Variants in HCLS1 observed in about 807,000 individuals in gnomAD.
HCLS1 encodes hematopoietic lineage cell-specific protein.
HCLS1 carries 44 observed loss-of-function variants against 68.6 expected under a neutral mutation model. The observed-to-expected ratio is 0.64, with a 90% CI of 0.50 to 0.82. The LOEUF (loss-of-function observed/expected upper bound fraction) is 0.82, where lower values mean the gene tolerates loss of function less well. Among genes scored for constraint, HCLS1 ranks in the 40% least tolerant of loss-of-function variants. The pLI, the probability that HCLS1 is intolerant of heterozygous loss-of-function variation, is 0.00. For missense variants in HCLS1, 602 were observed against 612.1 expected (o/e 0.98, Z 0.17); for synonymous variants, 217 against 225.8 (o/e 0.96, Z 0.35).
chr3:121,640,256 G>GA (rs990635728), intron 6 of HCLS1, among the ~76,000 whole-genome samples: 5 of 151,514 alleles, frequency 3.3e-5, no homozygotes, highest in African/African-American at 9.7e-5. Context: ...AATAATAAAG[G>GA]AAAAAAAATG....
chr3:121,644,268 TG>T (rs2049225668), intron 5 of HCLS1: 1 of 219,528 alleles, frequency 4.6e-6, no homozygotes. Flanking sequence ...GATATGATGC[TG>T]TAATCATACG....
chr3:121,632,443 C>T lies in HCLS1; in HGVS notation c.1129G>A (p.Asp377Asn). 6.2e-7 allele frequency: 1 copy of T among 1,613,952 alleles called. No individual in the cohort carries two copies. The highest frequency in any genetic ancestry group is 8.5e-7 in the Non-Finnish European group (1 of 1,179,846). Residue 377 changes from aspartate (D) to asparagine (N), a missense_variant, in exon 12 of 14, where the codon GAC becomes AAC. Coordinates refer to ENST00000314583, the MANE Select transcript of HCLS1 (RefSeq NM_005335.6). ...TCCATCTCCTCAACGTCCTCATAGT[C>T]ATTCTCAGGCTCGGGCTCAGGCTCG... ...EPEPEPEPENDYEDVEEMDRH... is the reference protein window; with the variant it reads ...EPEPEPEPENNYEDVEEMDRH...
At chr3:121,634,514 C>T (rs183343342) in intron 9 of HCLS1, 96 bp from the exon 10 acceptor site, 23 of 1,147,636 alleles carry the variant, frequency 2.0e-5, no homozygotes, top group Middle Eastern at 2.0e-4. Context: ...GTTAAATATC[C>T]GGGAGGAGGG....
chr3:121,657,293 G>C lies in HCLS1; in HGVS notation c.144C>G (p.Arg48=), dbSNP rs1476442807. The part of the protein sequence containing the change: ...WGAKTIEGSG[R]TEHINIHQLR... ...TCGGCACCTACTTGATGTGTTCTGT[G>C]CGTCCAGACCCCTCGATGGTCTTGG... The change falls in exon 3 of 14, where the codon CGC becomes CGG. Residue 48 remains arginine (R), a synonymous_variant. Coordinates refer to ENST00000314583, the MANE Select transcript of HCLS1 (RefSeq NM_005335.6). 1.9e-6 allele frequency: 3 copies of C among 1,613,646 alleles called. No individual in the cohort carries two copies. The highest frequency in any genetic ancestry group is 2.5e-6 in the Non-Finnish European group (3 of 1,179,818).
At chr3:121,653,031 G>C (rs902768280) in intron 3 of HCLS1, among the ~76,000 whole-genome samples, 1 of 152,142 alleles carries the variant, frequency 6.6e-6, no homozygotes, top group African/African-American at 2.4e-5. Flanking sequence ...TTGGATTCAG[G>C]ATTTTTTCAG....
At chr3:121,660,480 C>T (rs1416383048) in intron 1 of HCLS1, among the ~76,000 whole-genome samples, 2 of 152,148 alleles carry the variant, frequency 1.3e-5, no homozygotes, top group African/African-American at 4.8e-5. Flanking sequence ...CAAGGGCAGA[C>T]ACTGTTTTCG....
chr3:121,656,768 G>T (rs1937882912), intron 3 of HCLS1: 1 of 152,376 alleles, frequency 6.6e-6, no homozygotes, highest in Non-Finnish European at 1.5e-5. Context: ...CCAGTTATGG[G>T]AGCTGAAGTG....
Position 121,631,715 on chromosome 3 carries a change from A to T in HCLS1, c.*131T>A. Reference sequence around the variant, plus strand: ...CATGCTGTCTCTGCCCCAAGCCCTTAATGAAGCAGGAGAGGGAAGTCTGTC... The same window carrying T: ...CATGCTGTCTCTGCCCCAAGCCCTTTATGAAGCAGGAGAGGGAAGTCTGTC... On this transcript the variant is annotated 3_prime_UTR_variant, in exon 14 of 14. Transcript: ENST00000314583. 2.1e-6 allele frequency: 2 copies of T among 936,880 alleles called. No individual in the cohort carries two copies. Among genetic ancestry groups the T allele is most frequent in the Non-Finnish European group, 3.2e-6 (2 of 621,818 alleles). 58.0% of individuals were successfully genotyped at this position (936,880 alleles called of 1,614,324 possible).
intron 9 of HCLS1, among the ~76,000 whole-genome samples, chr3:121,635,443 A>C (rs547586723): frequency 2.0e-5 from 3 of 151,870 alleles, no homozygotes; most frequent in African/African-American, 7.2e-5. Flanking sequence ...ATGCCTGGCT[A>C]ATTTTTGTAT....
At position 121,644,360 on chromosome 3, in the gene HCLS1, T is replaced by A. The variant is rs1020655308; in HGVS notation, c.399+458A>T. 3.1e-5 allele frequency: 9 copies of A among 289,700 alleles called. No homozygotes were observed. The East Asian group carries it at 7.0e-4, about 23-fold the overall frequency. 17.9% of individuals were successfully genotyped at this position (289,700 alleles called of 1,614,324 possible). The stretch of plus-strand genomic sequence containing the variant: ...TTAAAGATATCTGGACTTCATAGAT[T>A]GATGCTAAATTCTGTAAATAGTAAC... On this transcript the variant is annotated intron_variant, in intron 5 of 13. Transcript: ENST00000314583.
intron 6 of HCLS1, among the ~76,000 whole-genome samples, chr3:121,642,034 CCA>C (rs2049205432): frequency 7.1e-6 from 1 of 140,114 alleles, no homozygotes; most frequent in Non-Finnish European, 1.5e-5. Context: ...GAGCCGAGAT[CCA>C]GCCACTGCAC....
rs369513627 is a variant in HCLS1 at position 121,634,351 on chromosome 3, C to T, written c.759G>A (p.Glu253=). The T allele has an allele frequency of 2.5e-5, 40 of 1,614,024 alleles. No homozygotes were observed. Among genetic ancestry groups the T allele is most frequent in the Non-Finnish European group, 3.1e-5 (36 of 1,179,984 alleles). The change falls in exon 10 of 14, where the codon GAG becomes GAA. Residue 253 remains glutamate, a synonymous_variant. Transcript: ENST00000314583. ...ESMAEEKRKR[E]EEEKAQQVAR... is the part of the protein sequence containing the mutation. ...CCACCTGCTGTGCCTTCTCCTCTTC[C>T]TCTCGCTTCCTCTTCTCCTCAGCCA...
chr3:121,633,925 C>T (rs1264938403), intron 10 of HCLS1, among the ~76,000 whole-genome samples: 1 of 152,248 alleles, frequency 6.6e-6, no homozygotes, highest in South Asian at 2.1e-4. Context: ...TGGGCTCCAG[C>T]CTGAAGTGAC....
At position 121,635,765 on chromosome 3, in the gene HCLS1, CT is replaced by C; in HGVS notation, c.660del (p.Ala221LeufsTer8). ...TCTATGGGCGTCGTCTTCTTATAAG[CT>C]GTGGTCGGGGCCTCCATTTCATTGA... ...VGFNEMEAPTTAYKKTTPIEA... is the reference protein window; with the variant it reads ...VGFNEMEAPTXAYKKTTPIEA... On this transcript the variant is annotated frameshift_variant, in exon 9 of 14. Transcript: ENST00000314583. LOFTEE classifies it high-confidence loss of function. 1 of 1,614,126 alleles carries C rather than the reference CT, an allele frequency of 6.2e-7. No individual in the cohort carries two copies. The highest frequency in any genetic ancestry group is 8.5e-7 in the Non-Finnish European group (1 of 1,179,996).
intron 3 of HCLS1, among the ~76,000 whole-genome samples, chr3:121,654,487 G>A (rs1440487693): frequency 6.6e-6 from 1 of 152,110 alleles, no homozygotes; most frequent in Admixed American, 6.6e-5. Flanking sequence ...AGAATGAATG[G>A]GCAAGAGTGG....
chr3:121,631,777 A>G lies in HCLS1; in HGVS notation c.*69T>C. 1.3e-6 allele frequency: 2 copies of G among 1,539,166 alleles called. No individual in the cohort carries two copies. Among genetic ancestry groups the G allele is most frequent in the Non-Finnish European group, 1.8e-6 (2 of 1,117,598 alleles). On this transcript the variant is annotated 3_prime_UTR_variant, in exon 14 of 14. Coordinates refer to ENST00000314583, the MANE Select transcript of HCLS1 (RefSeq NM_005335.6). ...CTGGTTAGACATTTGCAGCAGGAAT[A>G]GGGAGGGGGTGGAGGCAGAGCCACT...
At chr3:121,653,084 C>T (rs561139234) in intron 3 of HCLS1, among the ~76,000 whole-genome samples, 52 of 152,008 alleles carry the variant, frequency 3.4e-4, no homozygotes, top group East Asian at 1.9e-3. Flanking sequence ...ATCTTGGGGA[C>T]GAGACCCATG....
intron 10 of HCLS1, 39 bp downstream of exon 10, chr3:121,634,168 G>A: frequency 6.2e-7 from 1 of 1,612,524 alleles, no homozygotes; most frequent in Non-Finnish European, 8.5e-7. Flanking sequence ...GTCTGGGCAA[G>A]AGATCCTGGA....
At chr3:121,655,588 A>T (rs1215469694) in intron 3 of HCLS1, 1 of 146,122 alleles carries the variant, frequency 6.8e-6, no homozygotes, top group African/African-American at 2.5e-5. Context: ...CTACAATACC[A>T]CCAAAGGCAT....
Sources: gnomAD v4.1 joint callset for allele counts (sites outside exome capture counted in the v4.1 genomes callset) on GRCh38, gnomAD v4.1.1 for gene constraint, MANE v1.5 for transcripts, NCBI Gene and HGNC (gene_info 2026-07-23, HGNC 2026-07-21) for gene names.